PMPCB: variants seen among roughly 807,000 people sequenced by gnomAD.
PMPCB encodes mitochondrial-processing peptidase subunit beta.
In PMPCB, 46 loss-of-function variants were observed where a neutral mutation model predicts 61.5. The ratio of observed to expected loss-of-function variants is 0.75; its 90% CI spans 0.59 to 0.96. The LOEUF is 0.96. PMPCB is among the 40% of genes least tolerant of loss of function. The probability of loss-of-function intolerance (pLI) is 0.00; values close to 1 mark genes in which losing one functional copy is unlikely to be tolerated. For synonymous variants in PMPCB, 191 were observed against 201.6 expected (o/e 0.95, Z 0.44); for missense variants, 590 against 602.4 (o/e 0.98, Z 0.22).
intron 7 of PMPCB, among the ~76,000 whole-genome samples, chr7:103,308,402 A>G (rs1230244696): frequency 6.6e-6 from 1 of 152,154 alleles, no homozygotes; most frequent in East Asian, 1.9e-4. Context: ...CGAGTGTGTC[A>G]CTTGAGGTTA....
chr7:103,300,111 A>G (rs1236948193), intron 3 of PMPCB, 67 bp from the exon 4 acceptor site: 2 of 1,433,576 alleles, frequency 1.4e-6, no homozygotes, highest in African/African-American at 1.4e-5. Flanking sequence ...CATATTCATT[A>G]TCTGAAGTAG....
At chr7:103,308,897 G>A in intron 7 of PMPCB, 55 bp from the exon 8 acceptor site, 3 of 1,383,846 alleles carry the variant, frequency 2.2e-6, no homozygotes, top group Non-Finnish European at 1.9e-6. Flanking sequence ...TTGTTAATAA[G>A]CATGTTATAT....
At chr7:103,346,171 C>T in the PMPCB span, among the ~76,000 whole-genome samples, 8 of 152,050 alleles carry the variant, frequency 5.3e-5, no homozygotes, top group South Asian at 2.1e-4. Context: ...CTTGCTCTGT[C>T]GCCCAGGCTG....
At chr7:103,329,004 C>T in exon 13 of PMPCB, 1 of 1,275,800 alleles carries the variant, frequency 7.8e-7, no homozygotes, top group Non-Finnish European at 1.0e-6. Flanking sequence ...CTATTTCATA[C>T]TCCTACGTGA....
chr7:103,312,849 C>T lies in PMPCB; in HGVS notation c.*578C>T. 2 of 1,528,782 alleles carry T rather than the reference C, an allele frequency of 1.3e-6. No individual in the cohort carries two copies. The highest frequency in any genetic ancestry group is 2.7e-5 in the South Asian group (2 of 74,290). The allele number at this position is 1,528,782 out of a possible 1,614,324, so 94.7% of individuals were successfully genotyped here. ...CCATAACTACTGGTTTTGAAATAAG[C>T]ACTATATTATTAACCACTTAATAGA... On this transcript the variant is annotated 3_prime_UTR_variant, in exon 13 of 13. Transcript: ENST00000249269.
chr7:103,319,476 C>A, downstream of PMPCB: 1 of 943,566 alleles, frequency 1.1e-6, no homozygotes, highest in Admixed American at 2.6e-5. Flanking sequence ...AAAACAACAA[C>A]AACAAAACAG....
chr7:103,303,815 G>A (rs899413403), intron 4 of PMPCB, 27 bp from the exon 5 acceptor site: 20 of 1,522,186 alleles, frequency 1.3e-5, no homozygotes, highest in Middle Eastern at 3.4e-4. Context: ...TTGCTGGCAC[G>A]TTTTCTTATA....
chr7:103,344,687 C>G, the PMPCB span: 2 of 1,542,300 alleles, frequency 1.3e-6, no homozygotes, highest in Admixed American at 1.7e-5. Context: ...CGCTTAGGGT[C>G]CCCTCCAGCT....
At chr7:103,344,471 G>A in the PMPCB span, 1 of 1,478,808 alleles carries the variant, frequency 6.8e-7, no homozygotes, top group Admixed American at 1.7e-5. Flanking sequence ...CCAGGGTCAA[G>A]GGTAGAGAGA....
downstream of PMPCB, among the ~76,000 whole-genome samples, chr7:103,332,508 A>G (rs1265427124): frequency 2.0e-5 from 3 of 152,250 alleles, no homozygotes; most frequent in Non-Finnish European, 2.9e-5. Context: ...CCAAGTTTAT[A>G]TTCAGCATTA....
intron 12 of PMPCB, among the ~76,000 whole-genome samples, chr7:103,325,703 G>A (rs1022818873): frequency 2.0e-5 from 3 of 152,132 alleles, no homozygotes; most frequent in Non-Finnish European, 4.4e-5. Flanking sequence ...AAGGGAACCT[G>A]CCAATGCAGA....
At chr7:103,333,784 T>G (rs976288500), downstream of PMPCB, among the ~76,000 whole-genome samples, 1 of 152,204 alleles carries the variant, frequency 6.6e-6, no homozygotes, top group Non-Finnish European at 1.5e-5. Context: ...ACTCATGGTT[T>G]GAGATTCATC....
In PMPCB at chr7:103,324,348, G is replaced by C. The variant is rs531993968; in HGVS notation, c.*1432-4583G>C. ...ATCTTAAAAGTGTAAATATCACATA[G>C]GTAACAGAGTGCTTTTGTTCAGTGA... is the stretch of plus-strand genomic sequence containing the variant. On this transcript the variant is annotated intron_variant and NMD_transcript_variant, in intron 12 of 12. Transcript: ENST00000444457. 2.7e-5 allele frequency: 18 copies of C among 674,414 alleles called. No individual in the cohort carries two copies. In the African/African-American group the frequency reaches 3.4e-4, roughly 13 times the overall value. The allele number at this position is 674,414 out of a possible 1,614,324, so 41.8% of individuals were successfully genotyped here. A position where few individuals can be genotyped will look rare whatever the true frequency, so the allele number is the denominator to read the frequency against.
downstream of PMPCB, among the ~76,000 whole-genome samples, chr7:103,330,103 G>T (rs1048594410): frequency 6.6e-6 from 1 of 152,044 alleles, no homozygotes; most frequent in African/African-American, 2.4e-5. Flanking sequence ...TTATCAAAAC[G>T]GAATGGGTGT....
chr7:103,311,385 A>G (rs1586051794), intron 9 of PMPCB: 1 of 496,698 alleles, frequency 2.0e-6, no homozygotes, highest in Non-Finnish European at 3.5e-6. Flanking sequence ...AAGTCTCAAG[A>G]TGCTTATAGC....
chr7:103,323,278 C>A (rs1265677590), intron 12 of PMPCB, among the ~76,000 whole-genome samples: 1 of 151,884 alleles, frequency 6.6e-6, no homozygotes, highest in African/African-American at 2.4e-5. Flanking sequence ...TTTGCACATT[C>A]ATGTCAAAAG....
chr7:103,344,852 C>G, the PMPCB span: 11 of 589,240 alleles, frequency 1.9e-5, no homozygotes, highest in African/African-American at 2.1e-4. Flanking sequence ...TAACCTAGTT[C>G]TATACTGACT....
At chr7:103,337,632 T>G in the PMPCB span, 1 of 898,534 alleles carries the variant, frequency 1.1e-6, no homozygotes, top group Non-Finnish European at 1.7e-6. Context: ...TGCTGTTAAA[T>G]GTAGTTATGG....
intron 1 of PMPCB, among the ~76,000 whole-genome samples, chr7:103,298,119 CCT>C (rs765143647): frequency 3.3e-5 from 5 of 151,904 alleles, no homozygotes; most frequent in East Asian, 1.9e-4. Flanking sequence ...ATCTTCCTAT[CCT>C]CTCTCTCTTT....
Sources: gnomAD v4.1 joint callset for allele counts (sites outside exome capture counted in the v4.1 genomes callset) on GRCh38, gnomAD v4.1.1 for gene constraint, MANE v1.5 for transcripts, NCBI Gene and HGNC (gene_info 2026-07-23, HGNC 2026-07-21) for gene names.